EDIL3: variants seen among roughly 807,000 people sequenced by gnomAD.
EDIL3 encodes EGF-like repeat and discoidin I-like domain-containing protein 3.
Under a neutral mutation model 67.4 loss-of-function variants are expected in EDIL3, and 37 were observed. The ratio of observed to expected loss-of-function variants is 0.55; its 90% CI spans 0.42 to 0.72. The LOEUF is 0.72. Ranked by LOEUF, EDIL3 falls within the 30% of genes least tolerant of loss-of-function variation. The pLI is 0.00. For missense variants in EDIL3, 527 were observed against 586.3 expected, an observed-to-expected ratio of 0.90 and a Z score of 1.04; for synonymous variants, 195 against 196.3, an observed-to-expected ratio of 0.99 and a Z score of 0.05.
At chr5:84,375,002 T>A (rs1428355091) in intron 1 of EDIL3, among the ~76,000 whole-genome samples, 2 of 150,554 alleles carry the variant, frequency 1.3e-5, no homozygotes, top group Non-Finnish European at 3.0e-5. Flanking sequence ...AGACGGAGTC[T>A]CTCTCTGTCA....
intron 1 of EDIL3, among the ~76,000 whole-genome samples, chr5:84,272,758 G>A (rs1561241834): frequency 2.0e-5 from 3 of 152,172 alleles, no homozygotes; most frequent in African/African-American, 7.2e-5. Flanking sequence ...GACAGCTGGA[G>A]AGAAGTTGTA....
In EDIL3 at chr5:84,024,109, G is replaced by A. The variant is rs554258434; in HGVS notation, c.1137+36191C>T. Among the ~76,000 whole-genome samples the A allele has an allele frequency of 2.0e-5, 3 of 152,210 alleles. No homozygotes were observed. The South Asian group carries it at 6.2e-4, about 32-fold the overall frequency. On this transcript the variant is annotated intron_variant, in intron 9 of 10. Coordinates refer to ENST00000296591, the MANE Select transcript of EDIL3 (RefSeq NM_005711.5). ...TTTATACCAGGCAAACCTTATCAGA[G>A]GCAATGCAAAATTTGTAAGTATACT...
In EDIL3 at chr5:84,073,116, T is replaced by G. The variant is rs531315069; in HGVS notation, c.652-6510A>C. Reference sequence around the variant, plus strand: ...AAAACCACATGATTATCTCAATAGATGCAGAAAAGGCCTTTGACAAAATTC... The same window carrying G: ...AAAACCACATGATTATCTCAATAGAGGCAGAAAAGGCCTTTGACAAAATTC... On this transcript the variant is annotated intron_variant, in intron 6 of 10. Coordinates refer to ENST00000296591, the MANE Select transcript of EDIL3 (RefSeq NM_005711.5). 8.5e-5 allele frequency among the ~76,000 whole-genome samples: 13 copies of G among 152,322 alleles called. 1 individual carries two copies. The East Asian group carries it at 2.5e-3, about 29-fold the overall frequency.
chr5:84,226,553 CCAA>C (rs1202722126), intron 3 of EDIL3, among the ~76,000 whole-genome samples: 2 of 151,504 alleles, frequency 1.3e-5, no homozygotes, highest in Non-Finnish European at 3.0e-5. Context: ...TAATATTTTG[CCAA>C]ATGTTTTAAT....
chr5:84,292,945 G>A (rs916364147), intron 1 of EDIL3, among the ~76,000 whole-genome samples: 4 of 152,154 alleles, frequency 2.6e-5, no homozygotes, highest in Admixed American at 1.3e-4. Flanking sequence ...CTCATTGGTC[G>A]AGTACTATGG....
At chr5:83,985,951 T>G (rs1199149515) in intron 9 of EDIL3, among the ~76,000 whole-genome samples, 2 of 152,056 alleles carry the variant, frequency 1.3e-5, no homozygotes, top group South Asian at 2.1e-4. Context: ...TTTTTTACTT[T>G]AAAGGTTTAC....
In EDIL3 at chr5:84,149,577, T is replaced by C. The variant is rs116930982; in HGVS notation, c.356-12223A>G. 4.1e-4 allele frequency among the ~76,000 whole-genome samples: 62 copies of C among 152,166 alleles called. 1 individual carries two copies. The East Asian group carries it at 0.012, about 28-fold the overall frequency. On this transcript the variant is annotated intron_variant, in intron 4 of 10. Coordinates refer to ENST00000296591, the MANE Select transcript of EDIL3 (RefSeq NM_005711.5). ...TAAGAAAACTAAGCTCAAGAGAATATATAGGACTACAAAGTACTGAGCACT... is the reference window on the plus strand; with the variant it reads ...TAAGAAAACTAAGCTCAAGAGAATACATAGGACTACAAAGTACTGAGCACT...
chr5:84,079,172 T>C (rs1009748834), intron 6 of EDIL3, among the ~76,000 whole-genome samples: 3 of 152,106 alleles, frequency 2.0e-5, no homozygotes, highest in Non-Finnish European at 2.9e-5. Context: ...AAGTTCCTCT[T>C]CTCTTCTCCC....
intron 9 of EDIL3, among the ~76,000 whole-genome samples, chr5:84,052,761 A>G (rs576855435): frequency 7.2e-5 from 11 of 152,380 alleles, no homozygotes; most frequent in African/African-American, 1.9e-4. Flanking sequence ...AGAGCTAACT[A>G]TTCTAAATAT....
chr5:84,381,667 C>G (rs1748076983), intron 1 of EDIL3, among the ~76,000 whole-genome samples: 1 of 152,160 alleles, frequency 6.6e-6, no homozygotes, highest in Non-Finnish European at 1.5e-5. Context: ...CATTTTTAGA[C>G]AGTGCCATTT....
chr5:84,255,330 C>A (rs2112077808), intron 1 of EDIL3, among the ~76,000 whole-genome samples: 1 of 152,280 alleles, frequency 6.6e-6, no homozygotes, highest in East Asian at 1.9e-4. Flanking sequence ...CCTGAAAGAT[C>A]TTCTCAGCTA....
intron 1 of EDIL3, among the ~76,000 whole-genome samples, chr5:84,358,289 C>T (rs867687945): frequency 6.6e-6 from 1 of 152,172 alleles, no homozygotes; most frequent in African/African-American, 2.4e-5. Context: ...GAGAACAGTT[C>T]TGTTCATGAT....
chr5:83,989,998 C>T (rs1366999453), intron 9 of EDIL3, among the ~76,000 whole-genome samples: 1 of 152,118 alleles, frequency 6.6e-6, no homozygotes, highest in Non-Finnish European at 1.5e-5. Flanking sequence ...TTTGCCAACA[C>T]TTGAATGTGC....
chr5:84,056,715 G>A (rs897792137), intron 9 of EDIL3, among the ~76,000 whole-genome samples: 4 of 152,024 alleles, frequency 2.6e-5, no homozygotes, highest in Non-Finnish European at 4.4e-5. Flanking sequence ...AATAGCAAGA[G>A]ATTGATAATG....
chr5:84,352,005 CA>C (rs1039820572), intron 1 of EDIL3, among the ~76,000 whole-genome samples: 88 of 152,034 alleles, frequency 5.8e-4, no homozygotes, highest in African/African-American at 2.0e-3. Context: ...AAAAAGAAAA[CA>C]TACTAACAGG....
intron 4 of EDIL3, among the ~76,000 whole-genome samples, chr5:84,176,206 T>TATATATATATATATA (rs1748906346): frequency 6.3e-5 from 2 of 31,562 alleles, no homozygotes; most frequent in Non-Finnish European, 6.6e-5. Flanking sequence ...ATAATATATA[T>TATATATATATATATA]ATATATATAT....
At chr5:84,205,814 T>G (rs1226078010) in intron 3 of EDIL3, among the ~76,000 whole-genome samples, 1 of 152,044 alleles carries the variant, frequency 6.6e-6, no homozygotes, top group East Asian at 1.9e-4. Context: ...TTTTTCTTTA[T>G]TAGTCTTGCT....
chr5:84,300,300 A>G (rs1746131343), intron 1 of EDIL3, among the ~76,000 whole-genome samples: 1 of 152,098 alleles, frequency 6.6e-6, no homozygotes, highest in Non-Finnish European at 1.5e-5. Context: ...TCAGGTGGGA[A>G]TGGTTCTCTG....
intron 2 of EDIL3, among the ~76,000 whole-genome samples, chr5:84,240,216 T>G (rs1744767938): frequency 6.6e-6 from 1 of 151,934 alleles, no homozygotes; most frequent in African/African-American, 2.4e-5. Context: ...AATAGAAAAA[T>G]GTACAATTTA....
Sources: allele counts gnomAD v4.1 joint callset (sites outside exome capture counted in the v4.1 genomes callset), GRCh38; gene constraint gnomAD v4.1.1; transcripts MANE v1.5; gene names NCBI Gene and HGNC (gene_info 2026-07-23, HGNC 2026-07-21).